Variants in TLN2 observed in about 807,000 individuals in gnomAD.
TLN2 encodes talin-2.
TLN2 carries 118 observed loss-of-function variants against 294.7 expected under a neutral mutation model. The ratio of observed to expected loss-of-function variants is 0.40; its 90% CI spans 0.34 to 0.47. The LOEUF (loss-of-function observed/expected upper bound fraction) is 0.47, where lower values mean the gene tolerates loss of function less well. Among genes scored for constraint, TLN2 ranks in the 20% least tolerant of loss-of-function variants. TLN2 has a pLI of 0.84. For synonymous variants in TLN2, 1,431 were observed against 1,304.5 expected (o/e 1.10, Z -2.09); for missense variants, 3,083 against 3,282.2 (o/e 0.94, Z 1.48).
rs912549268 is a variant in TLN2, at chr15:62,841,483, C to G, written c.*873C>G. On this transcript the variant is annotated 3_prime_UTR_variant, in exon 59 of 59. Coordinates refer to ENST00000636159, the MANE Select transcript of TLN2 (RefSeq NM_015059.3). ...CTGGAATAAAGAGCTTCCTCAGTGA[C>G]TCATCTTTAGGTCCCACGCTGGTTT... 1 of 152,194 alleles carries G rather than the reference C, an allele frequency of 6.6e-6. No homozygotes were observed. The highest frequency in any genetic ancestry group is 6.5e-5 in the Admixed American group (1 of 15,278). 9.4% of individuals were successfully genotyped at this position (152,194 alleles called of 1,614,324 possible).
At chr15:62,735,321 GACTC>G (rs1213373091) in intron 28 of TLN2, among the ~76,000 whole-genome samples, 1 of 152,200 alleles carries the variant, frequency 6.6e-6, no homozygotes, top group Non-Finnish European at 1.5e-5. Context: ...CAGGTAGTAA[GACTC>G]ACGTTTATTC....
At chr15:62,575,605 A>AACACAC (rs147438095) in intron 1 of TLN2, among the ~76,000 whole-genome samples, 28 of 150,086 alleles carry the variant, frequency 1.9e-4, no homozygotes, top group East Asian at 9.9e-4. Context: ...TCACTTAAAA[A>AACACAC]ACACACACAC....
At chr15:62,532,110 G>A (rs2041076454) in intron 1 of TLN2, among the ~76,000 whole-genome samples, 1 of 151,664 alleles carries the variant, frequency 6.6e-6, no homozygotes, top group African/African-American at 2.4e-5. Flanking sequence ...GGTGCAAAGG[G>A]GCAAACAAGG....
chr15:62,447,960 C>G (rs1213956712), intron 1 of TLN2, among the ~76,000 whole-genome samples: 2 of 152,224 alleles, frequency 1.3e-5, no homozygotes, highest in Non-Finnish European at 2.9e-5. Flanking sequence ...TAGAACTTGG[C>G]TATTCCTCAC....
At chr15:62,575,605 A>AACACACAC (rs147438095) in intron 1 of TLN2, among the ~76,000 whole-genome samples, 2 of 149,990 alleles carry the variant, frequency 1.3e-5, no homozygotes, top group South Asian at 4.2e-4. Flanking sequence ...TCACTTAAAA[A>AACACACAC]ACACACACAC....
In TLN2 at chr15:62,657,875, T is replaced by G; in HGVS notation, c.765T>G (p.His255Gln). 1 of 1,613,312 alleles carries G rather than the reference T, an allele frequency of 6.2e-7. No individual in the cohort carries two copies. The highest frequency in any genetic ancestry group is 1.3e-5 in the African/African-American group (1 of 75,040). The stretch of plus-strand genomic sequence containing the variant: ...TACAATTTGGACCTCATGTGGAACA[T>G]AAACACAAACCTGGATTTTTAGAGT... ...AQIQFGPHVE[H>Q]KHKPGFLDLK... is the part of the protein sequence containing the mutation. Residue 255 changes from histidine (H) to glutamine (Q), a missense_variant, in exon 9 of 59, where the codon CAT becomes CAG. Physicochemically the swap from His to Gln is conservative, Grantham distance 24. Coordinates refer to ENST00000636159, the MANE Select transcript of TLN2 (RefSeq NM_015059.3).
intron 1 of TLN2, among the ~76,000 whole-genome samples, chr15:62,402,610 C>T (rs1306673026): frequency 6.6e-6 from 1 of 152,194 alleles, no homozygotes; most frequent in Non-Finnish European, 1.5e-5. Context: ...GATGATCCTG[C>T]CTAGAGAAAA....
intron 50 of TLN2, among the ~76,000 whole-genome samples, chr15:62,804,037 T>C (rs2066110100): frequency 6.6e-6 from 1 of 152,196 alleles, no homozygotes; most frequent in Non-Finnish European, 1.5e-5. Flanking sequence ...TGCAGACTCA[T>C]AAAGGTACCA....
intron 13 of TLN2, 146 bp downstream of exon 13, chr15:62,693,087 C>T (rs1036926706): frequency 5.2e-5 from 32 of 619,548 alleles, no homozygotes; most frequent in Admixed American, 5.0e-4. Flanking sequence ...CCCAACACTT[C>T]GGGAGGCTGA....
At chr15:62,720,120 G>T (rs961703943) in intron 25 of TLN2, among the ~76,000 whole-genome samples, 1 of 152,218 alleles carries the variant, frequency 6.6e-6, no homozygotes, top group African/African-American at 2.4e-5. Flanking sequence ...TTTTCCTCAG[G>T]ATTATCGTAT....
chr15:62,547,528 C>T (rs1410676032), intron 1 of TLN2, among the ~76,000 whole-genome samples: 1 of 152,208 alleles, frequency 6.6e-6, no homozygotes, highest in Non-Finnish European at 1.5e-5. Context: ...CACAGATGTA[C>T]TCCCAGAGTG....
At chr15:62,458,482 G>A (rs2036607999) in intron 1 of TLN2, among the ~76,000 whole-genome samples, 1 of 151,662 alleles carries the variant, frequency 6.6e-6, no homozygotes, top group Non-Finnish European at 1.5e-5. Flanking sequence ...GTTTTTCTTT[G>A]CCATTCCTGG....
intron 1 of TLN2, among the ~76,000 whole-genome samples, chr15:62,517,188 G>T (rs2040231698): frequency 6.6e-6 from 1 of 152,144 alleles, no homozygotes; most frequent in African/African-American, 2.4e-5. Context: ...GTGCCTTGGA[G>T]TCCCCACTTT....
chr15:62,794,623 C>T (rs1232560267), intron 46 of TLN2, among the ~76,000 whole-genome samples: 1 of 152,202 alleles, frequency 6.6e-6, no homozygotes, highest in Non-Finnish European at 1.5e-5. Context: ...CAGCTCTATG[C>T]CAGTCTGACT....
At position 62,414,164 on chromosome 15, in the gene TLN2, CTATATATA is replaced by C. The variant is rs780803268; in HGVS notation, c.-238+23500_-238+23507del. The stretch of plus-strand genomic sequence containing the variant: ...AGTGAAGTGTTAGCAAAAAAAAAAA[CTATATATA>C]TATATATATATATATATATAATTTG... On this transcript the variant is annotated intron_variant, in intron 1 of 58. Coordinates refer to ENST00000636159, the MANE Select transcript of TLN2 (RefSeq NM_015059.3). Among the ~76,000 whole-genome samples the C allele has an allele frequency of 1.2e-4, 11 of 90,624 alleles. 1 individual carries two copies. Among genetic ancestry groups the C allele is most frequent in the Admixed American group, 6.3e-4 (4 of 6,324 alleles). 59.5% of individuals were successfully genotyped at this position (90,624 alleles called of 152,430 possible). A position where few individuals can be genotyped will look rare whatever the true frequency, so the allele number is the denominator to read the frequency against.
intron 32 of TLN2, among the ~76,000 whole-genome samples, chr15:62,747,073 G>A (rs761703223): frequency 2.6e-5 from 4 of 151,964 alleles, no homozygotes; most frequent in Non-Finnish European, 5.9e-5. Flanking sequence ...GCTTACCTAT[G>A]CAAAAAAAAT....
At chr15:62,421,072 C>A (rs1202960216) in intron 1 of TLN2, among the ~76,000 whole-genome samples, 1 of 152,164 alleles carries the variant, frequency 6.6e-6, no homozygotes, top group Non-Finnish European at 1.5e-5. Flanking sequence ...TGGAAAACTT[C>A]ATAATTTTGA....
intron 45 of TLN2, among the ~76,000 whole-genome samples, chr15:62,789,466 C>G (rs1023182502): frequency 6.6e-6 from 1 of 152,148 alleles, no homozygotes; most frequent in Admixed American, 6.5e-5. Context: ...CGTGTCACCT[C>G]CAAGAAAGGG....
chr15:62,642,061 CG>C (rs748810920), intron 3 of TLN2, among the ~76,000 whole-genome samples: 5 of 152,184 alleles, frequency 3.3e-5, no homozygotes, highest in African/African-American at 4.8e-5. Flanking sequence ...CCACTGGTTT[CG>C]TCAGCTCCGC....
Sources: gnomAD v4.1 joint callset for allele counts (sites outside exome capture counted in the v4.1 genomes callset) on GRCh38, gnomAD v4.1.1 for gene constraint, MANE v1.5 for transcripts, NCBI Gene and HGNC (gene_info 2026-07-23, HGNC 2026-07-21) for gene names.